SEMA3C: variants seen among roughly 807,000 people sequenced by gnomAD.
SEMA3C encodes the protein semaphorin-3C.
SEMA3C carries 47 observed loss-of-function variants against 89.4 expected under a neutral mutation model. That is an observed-to-expected ratio of 0.53 (90% CI 0.42 to 0.67). SEMA3C has a LOEUF of 0.67. SEMA3C is among the 30% of genes least tolerant of loss of function. The pLI, the probability that SEMA3C is intolerant of heterozygous loss-of-function variation, is 0.00. For synonymous variants in SEMA3C, 310 were observed against 320.2 expected, an observed-to-expected ratio of 0.97 and a Z score of 0.34; for missense variants, 839 against 929.1, an observed-to-expected ratio of 0.90 and a Z score of 1.26.
chr7:80,852,813 G>A (rs1216339680), intron 2 of SEMA3C, among the ~76,000 whole-genome samples: 1 of 151,742 alleles, frequency 6.6e-6, no homozygotes, highest in African/African-American at 2.4e-5. Context: ...CGAGTAGCTG[G>A]GACTACAGGT....
intron 12 of SEMA3C, among the ~76,000 whole-genome samples, chr7:80,768,164 G>A (rs988608030): frequency 6.6e-6 from 1 of 152,148 alleles, no homozygotes; most frequent in African/African-American, 2.4e-5. Context: ...AGATTTGCAG[G>A]CTCTAGTTTT....
At chr7:80,898,147 C>G (rs1241732660) in intron 2 of SEMA3C, among the ~76,000 whole-genome samples, 2 of 151,908 alleles carry the variant, frequency 1.3e-5, no homozygotes, top group Non-Finnish European at 2.9e-5. Context: ...GGCAGATCAC[C>G]TGAGGTCAGG....
chr7:80,810,511 A>T (rs1583899375), intron 6 of SEMA3C, 100 bp downstream of exon 6: 1 of 807,932 alleles, frequency 1.2e-6, no homozygotes, highest in Non-Finnish European at 2.0e-6. Flanking sequence ...TTTTACTCAC[A>T]TACTATCATC....
At chr7:80,857,416 G>A (rs945718125) in intron 2 of SEMA3C, among the ~76,000 whole-genome samples, 18 of 152,180 alleles carry the variant, frequency 1.2e-4, no homozygotes, top group South Asian at 8.3e-4. Flanking sequence ...TTACAAAAAC[G>A]AGAAAAAACA....
chr7:80,745,084 T>C lies in SEMA3C; in HGVS notation c.2066A>G (p.His689Arg). Residue 689 changes from histidine (H) to arginine (R), a missense_variant, in exon 18 of 18, where the codon CAC becomes CGC. By Grantham distance (29) the His-to-Arg change is conservative. Transcript: ENST00000265361. ...WASSVRALPF[H>R]PKDIMGAFSH... ...GAATGCCCCCATGATGTCCTTCGGG[T>C]GGAAGGGTAAAGCCCTCACAGAGCT... is the stretch of plus-strand genomic sequence containing the variant. 1.2e-6 allele frequency: 2 copies of C among 1,614,060 alleles called. No homozygotes were observed. Among genetic ancestry groups the C allele is most frequent in the African/African-American group, 2.7e-5 (2 of 75,028 alleles).
chr7:80,758,420 A>G lies in SEMA3C; in HGVS notation c.1554T>C (p.Gly518=). 6.2e-7 allele frequency: 1 copy of G among 1,614,096 alleles called. No individual in the cohort carries two copies. The highest frequency in any genetic ancestry group is 1.1e-5 in the South Asian group (1 of 91,074). ...CCAGGCAGCAGTCAGCACAGGCTGT[A>G]CCATAGATGTGGCAGCGGTGCAGAG... is the stretch of plus-strand genomic sequence containing the variant. ...QVSLHRCHIY[G]TACADCCLAR... Residue 518 remains glycine (G), a synonymous_variant, in exon 15 of 18, where the codon GGT becomes GGC. Transcript: ENST00000265361.
chr7:80,832,482 CA>C lies in SEMA3C; in HGVS notation c.104-3738del, dbSNP rs1790029931. ...CTTGACAGGGCTGTTCAATGACAAC[CA>C]TACTGGCCCCATTCTTCTAGCCAGT... On this transcript the variant is annotated intron_variant, in intron 2 of 17. Transcript: ENST00000265361. Among the ~76,000 whole-genome samples the C allele has an allele frequency of 1.3e-5, 2 of 152,144 alleles. 1 individual carries two copies. Among genetic ancestry groups the C allele is most frequent in the South Asian group, 4.1e-4 (2 of 4,826 alleles).
At chr7:80,909,835 T>G (rs372192884) in intron 2 of SEMA3C, among the ~76,000 whole-genome samples, 1 of 152,304 alleles carries the variant, frequency 6.6e-6, no homozygotes, top group East Asian at 1.9e-4. Flanking sequence ...TATTTATGTA[T>G]TGCCTCAATC....
intron 2 of SEMA3C, among the ~76,000 whole-genome samples, chr7:80,843,030 A>C (rs1790305344): frequency 6.6e-6 from 1 of 152,110 alleles, no homozygotes. Context: ...TAAAACATGA[A>C]ATTAGAGGTT....
intron 2 of SEMA3C, among the ~76,000 whole-genome samples, chr7:80,831,320 T>C (rs1583919897): frequency 6.6e-6 from 1 of 152,162 alleles, no homozygotes; most frequent in South Asian, 2.1e-4. Flanking sequence ...AGTATAATAA[T>C]AGCATCTACC....
intron 11 of SEMA3C, among the ~76,000 whole-genome samples, chr7:80,794,840 C>G (rs1284143529): frequency 6.6e-6 from 1 of 152,172 alleles, no homozygotes; most frequent in East Asian, 1.9e-4. Context: ...CTTCCACAAA[C>G]TTGAATTACT....
chr7:80,836,289 C>A (rs1025432118), intron 2 of SEMA3C, among the ~76,000 whole-genome samples: 1 of 152,164 alleles, frequency 6.6e-6, no homozygotes, highest in African/African-American at 2.4e-5. Flanking sequence ...CTTTTCTTTG[C>A]TTTTTGACAG....
At chr7:80,907,981 C>CT (rs1251514738) in intron 2 of SEMA3C, among the ~76,000 whole-genome samples, 1 of 151,914 alleles carries the variant, frequency 6.6e-6, no homozygotes, top group Non-Finnish European at 1.5e-5. Flanking sequence ...CACATGGACT[C>CT]TAATTATGTA....
In SEMA3C at chr7:80,862,381, C is replaced by G. The variant is rs75992296; in HGVS notation, c.104-33636G>C. 3.5e-3 allele frequency among the ~76,000 whole-genome samples: 537 copies of G among 152,184 alleles called. 10 individuals are homozygous for G. The highest frequency in any genetic ancestry group is 0.035 in the East Asian group (180 of 5,166). On this transcript the variant is annotated intron_variant, in intron 2 of 17. Transcript: ENST00000265361. Reference sequence around the variant, plus strand: ...ATAAAATACTTAGGAATATACCTAACCAAGGAGTCAAAAGACCTCTACAAG... The same window carrying G: ...ATAAAATACTTAGGAATATACCTAAGCAAGGAGTCAAAAGACCTCTACAAG...
At chr7:80,811,740 T>C (rs538337026) in intron 5 of SEMA3C, among the ~76,000 whole-genome samples, 1 of 152,292 alleles carries the variant, frequency 6.6e-6, no homozygotes, top group South Asian at 2.1e-4. Flanking sequence ...AGATTGGGAA[T>C]GAAATGTATA....
chr7:80,888,327 T>C (rs1008580555), intron 2 of SEMA3C, among the ~76,000 whole-genome samples: 1 of 151,866 alleles, frequency 6.6e-6, no homozygotes, highest in Non-Finnish European at 1.5e-5. Context: ...GGCAGGAGGA[T>C]TACCTGAGTC....
In SEMA3C at chr7:80,817,907, T is replaced by C. The variant is rs899277823; in HGVS notation, c.447+392A>G. On this transcript the variant is annotated intron_variant, in intron 5 of 17. Coordinates refer to ENST00000265361, the MANE Select transcript of SEMA3C (RefSeq NM_006379.5). ...GTTTATGCTACAATATTTCTATAAT[T>C]TGGAGCAAATATTATTACTGTATTA... 5.9e-5 allele frequency among the ~76,000 whole-genome samples: 9 copies of C among 152,266 alleles called. 1 individual carries two copies. The highest frequency in any genetic ancestry group is 5.9e-4 in the Admixed American group (9 of 15,292).
chr7:80,913,303 A>G (rs977199162), intron 2 of SEMA3C, among the ~76,000 whole-genome samples: 3 of 152,264 alleles, frequency 2.0e-5, no homozygotes, highest in African/African-American at 7.2e-5. Context: ...CGGGAGGCTG[A>G]GGCAGGACAA....
At chr7:80,748,301 T>C (rs911140442) in intron 17 of SEMA3C, among the ~76,000 whole-genome samples, 3 of 152,154 alleles carry the variant, frequency 2.0e-5, no homozygotes, top group Non-Finnish European at 4.4e-5. Context: ...CTCTTTCTAA[T>C]CCACGAAAAG....
Sources: allele counts gnomAD v4.1 joint callset (sites outside exome capture counted in the v4.1 genomes callset), GRCh38; gene constraint gnomAD v4.1.1; transcripts MANE v1.5; gene names NCBI Gene and HGNC (gene_info 2026-07-23, HGNC 2026-07-21).